GRAP2: variants seen among roughly 807,000 people sequenced by gnomAD.
The protein encoded by GRAP2 is GRB2 related adaptor protein 2.
In GRAP2, 31 loss-of-function variants were observed where a neutral mutation model predicts 43.5. The ratio of observed to expected loss-of-function variants is 0.71; its 90% CI spans 0.54 to 0.96. The LOEUF (loss-of-function observed/expected upper bound fraction) is 0.96. GRAP2 is among the 40% of genes least tolerant of loss of function. The probability of loss-of-function intolerance (pLI) is 0.00; values close to 1 mark genes in which losing one functional copy is unlikely to be tolerated. For missense variants in GRAP2, 371 were observed against 424.4 expected (o/e 0.87, Z 1.11); for synonymous variants, 156 against 164.8 (o/e 0.95, Z 0.41).
intron 1 of GRAP2, among the ~76,000 whole-genome samples, chr22:39,913,120 G>GAGCT (rs888427410): frequency 4.6e-5 from 7 of 151,040 alleles, no homozygotes; most frequent in Non-Finnish European, 1.0e-4. Context: ...TTATACCTAG[G>GAGCT]AGCTGGAGGT....
chr22:39,920,027 G>A (rs2066635601), intron 1 of GRAP2, among the ~76,000 whole-genome samples: 1 of 152,168 alleles, frequency 6.6e-6, no homozygotes, highest in Non-Finnish European at 1.5e-5. Flanking sequence ...TTGTAGTGGA[G>A]GACCCAATGT....
intron 1 of GRAP2, among the ~76,000 whole-genome samples, chr22:39,924,770 G>A (rs2066683274): frequency 6.6e-6 from 1 of 152,220 alleles, no homozygotes; most frequent in South Asian, 2.1e-4. Context: ...GCAGGACAAT[G>A]TGCTAAGTCC....
At chr22:39,955,271 T>C (rs2067034451) in intron 2 of GRAP2, among the ~76,000 whole-genome samples, 1 of 151,972 alleles carries the variant, frequency 6.6e-6, no homozygotes, top group Admixed American at 6.5e-5. Flanking sequence ...GGCAGGGGGA[T>C]CGCTTGAACC....
intron 1 of GRAP2, among the ~76,000 whole-genome samples, chr22:39,928,248 G>C (rs1398414135): frequency 3.3e-5 from 5 of 152,132 alleles, no homozygotes; most frequent in Non-Finnish European, 7.4e-5. Flanking sequence ...CTCCAAGGGA[G>C]AAAGAAATTC....
intron 2 of GRAP2, among the ~76,000 whole-genome samples, chr22:39,954,813 C>G (rs977421553): frequency 6.6e-6 from 1 of 152,188 alleles, no homozygotes; most frequent in African/African-American, 2.4e-5. Flanking sequence ...ATATGAGTAA[C>G]TGAGGTAGAC....
At chr22:39,915,340 G>A (rs968815206) in intron 1 of GRAP2, among the ~76,000 whole-genome samples, 15 of 152,132 alleles carry the variant, frequency 9.9e-5, no homozygotes, top group African/African-American at 3.6e-4. Context: ...ACTTGTGGTT[G>A]AGCAGGCATT....
At chr22:39,941,460 G>A (rs1395276994) in intron 1 of GRAP2, among the ~76,000 whole-genome samples, 1 of 152,110 alleles carries the variant, frequency 6.6e-6, no homozygotes, top group Non-Finnish European at 1.5e-5. Context: ...AAACTATTAG[G>A]GGGAGATAGG....
upstream of GRAP2, among the ~76,000 whole-genome samples, chr22:39,897,424 C>G (rs1339848811): frequency 1.3e-5 from 2 of 151,978 alleles, no homozygotes. Flanking sequence ...TTATGATCAC[C>G]CTGTATATTC....
intron 7 of GRAP2, 38 bp from the exon 8 acceptor site, chr22:39,970,867 A>G (rs768194459): frequency 7.8e-6 from 12 of 1,530,000 alleles, no homozygotes; most frequent in Admixed American, 2.1e-5. Flanking sequence ...TGCCCAGCCC[A>G]CAGCTCAGCA....
intron 1 of GRAP2, among the ~76,000 whole-genome samples, chr22:39,906,520 A>G (rs1190200992): frequency 1.3e-5 from 2 of 152,138 alleles, no homozygotes. Context: ...CTCAAGTGTA[A>G]TTTTCTAAAG....
intron 7 of GRAP2, among the ~76,000 whole-genome samples, chr22:39,969,914 C>CA (rs555452452): frequency 6.6e-6 from 1 of 151,952 alleles, no homozygotes. Context: ...AACTCCGTCT[C>CA]AAAAAACAAA....
In GRAP2 at chr22:39,901,875, G is replaced by A. The variant is rs759989178; in HGVS notation, c.-15+545G>A. Reference sequence around the variant, plus strand: ...TTTTGGAAGGGTATTGTCTCTCTTCGTACTAGCCGTTAGGCTCCATCCCTA... The same window carrying A: ...TTTTGGAAGGGTATTGTCTCTCTTCATACTAGCCGTTAGGCTCCATCCCTA... On this transcript the variant is annotated intron_variant, in intron 1 of 7. Transcript: ENST00000344138. Among the ~76,000 whole-genome samples the A allele has an allele frequency of 9.9e-5, 15 of 152,258 alleles. No individual in the cohort carries two copies. The South Asian group carries it at 1.0e-3, about 11-fold the overall frequency.
intron 1 of GRAP2, among the ~76,000 whole-genome samples, chr22:39,909,254 A>G (rs2066542629): frequency 6.6e-6 from 1 of 152,240 alleles, no homozygotes; most frequent in Non-Finnish European, 1.5e-5. Flanking sequence ...CAAATAATCA[A>G]AGAAGGAGAA....
At chr22:39,910,259 A>G (rs757984787) in intron 1 of GRAP2, among the ~76,000 whole-genome samples, 58 of 152,050 alleles carry the variant, frequency 3.8e-4, no homozygotes, top group Non-Finnish European at 1.8e-4. Flanking sequence ...CTTGATCTGT[A>G]GCCTATACTT....
intron 1 of GRAP2, among the ~76,000 whole-genome samples, chr22:39,920,556 A>G (rs1330962315): frequency 6.6e-6 from 1 of 152,112 alleles, no homozygotes; most frequent in African/African-American, 2.4e-5. Context: ...ATGAGTGTTG[A>G]CTTTCTTTGG....
At chr22:39,936,144 ATGTC>A (rs575687297) in intron 1 of GRAP2, among the ~76,000 whole-genome samples, 1 of 152,014 alleles carries the variant, frequency 6.6e-6, no homozygotes, top group Non-Finnish European at 1.5e-5. Context: ...GATTTGTAAA[ATGTC>A]TGTCTGTCTG....
intron 1 of GRAP2, among the ~76,000 whole-genome samples, chr22:39,930,948 T>A (rs566441610): frequency 6.6e-6 from 1 of 152,354 alleles, no homozygotes; most frequent in South Asian, 2.1e-4. Flanking sequence ...CCTGCACCTG[T>A]CTCCGTCCTA....
chr22:39,965,428 C>T (rs1417708673), intron 4 of GRAP2, among the ~76,000 whole-genome samples: 1 of 152,136 alleles, frequency 6.6e-6, no homozygotes, highest in Non-Finnish European at 1.5e-5. Flanking sequence ...AAAGCTATTT[C>T]ACCAAAAGCT....
chr22:39,924,558 C>T (rs1232844527), intron 1 of GRAP2, among the ~76,000 whole-genome samples: 8 of 152,062 alleles, frequency 5.3e-5, no homozygotes, highest in African/African-American at 1.4e-4. Flanking sequence ...AAAGATTAGC[C>T]GGACGTGGTG....
Sources: gnomAD v4.1 joint callset for allele counts (sites outside exome capture counted in the v4.1 genomes callset) on GRCh38, gnomAD v4.1.1 for gene constraint, MANE v1.5 for transcripts, NCBI Gene and HGNC (gene_info 2026-07-23, HGNC 2026-07-21) for gene names.